The following PPTC7 variants were observed in gnomAD, a reference collection of about 807,000 sequenced individuals.
PPTC7 encodes protein phosphatase targeting COQ7.
A neutral mutation model predicts 30.8 loss-of-function variants in PPTC7; 6 were observed. That is an observed-to-expected ratio of 0.19 (90% CI 0.11 to 0.38). PPTC7 has a LOEUF of 0.38. Among genes scored for constraint, PPTC7 ranks in the 10% least tolerant of loss-of-function variants. The pLI is 1.00. For missense variants in PPTC7, 218 were observed against 404.8 expected (o/e 0.54, Z 3.96); for synonymous variants, 163 against 168.1 (o/e 0.97, Z 0.23).
At chr12:110,538,895 C>T (rs1311013354) in intron 4 of PPTC7, among the ~76,000 whole-genome samples, 1 of 152,218 alleles carries the variant, frequency 6.6e-6, no homozygotes, top group Non-Finnish European at 1.5e-5. Context: ...CTTCTACTCT[C>T]TATTCCCTTA....
At chr12:110,549,595 C>T (rs543132034) in intron 2 of PPTC7, among the ~76,000 whole-genome samples, 1 of 151,900 alleles carries the variant, frequency 6.6e-6, no homozygotes, top group South Asian at 2.1e-4. Flanking sequence ...AAAAAGTAAT[C>T]ACAATATTCA....
At chr12:110,577,136 C>T (rs1418629609) in intron 1 of PPTC7, among the ~76,000 whole-genome samples, 1 of 133,972 alleles carries the variant, frequency 7.5e-6, no homozygotes, top group Non-Finnish European at 1.5e-5. Flanking sequence ...CACTGCTCTC[C>T]AGCCTGGGCA....
chr12:110,540,861 C>T (rs1174474847), intron 3 of PPTC7, among the ~76,000 whole-genome samples: 5 of 151,510 alleles, frequency 3.3e-5, no homozygotes, highest in South Asian at 4.2e-4. Context: ...CTGCGAGCTC[C>T]GCTTCCTGGG....
chr12:110,550,473 G>A (rs557310552), intron 2 of PPTC7, among the ~76,000 whole-genome samples: 6 of 151,728 alleles, frequency 4.0e-5, no homozygotes, highest in Admixed American at 6.6e-5. Context: ...CTCATGATCC[G>A]CCCACCTCGG....
At chr12:110,573,822 A>C (rs993484349) in intron 1 of PPTC7, among the ~76,000 whole-genome samples, 1 of 152,072 alleles carries the variant, frequency 6.6e-6, no homozygotes, top group Non-Finnish European at 1.5e-5. Context: ...TCTCTACTAA[A>C]AATACAAAAT....
chr12:110,537,230 T>C (rs1453621651), intron 5 of PPTC7, 135 bp from the exon 6 acceptor site: 6 of 502,216 alleles, frequency 1.2e-5, no homozygotes, highest in South Asian at 3.9e-5. Context: ...CCTAGTAGAA[T>C]AAAGAAAAAA....
At chr12:110,565,035 C>T (rs146814076) in intron 1 of PPTC7, among the ~76,000 whole-genome samples, 4 of 150,240 alleles carry the variant, frequency 2.7e-5, no homozygotes, top group African/African-American at 4.9e-5. Context: ...TCACCATGCC[C>T]GGTTCATTTT....
chr12:110,558,324 A>C (rs998483212), intron 1 of PPTC7, among the ~76,000 whole-genome samples: 3 of 152,204 alleles, frequency 2.0e-5, no homozygotes, highest in African/African-American at 7.2e-5. Flanking sequence ...AGAATGATAT[A>C]ATCTCTATGG....
rs60295908 is a variant in PPTC7 at position 110,542,152 on chromosome 12, G to GA, written c.603-2208dup. Among the ~76,000 whole-genome samples, 238 of 134,042 alleles carry GA rather than the reference G, an allele frequency of 1.8e-3. 1 individual carries two copies. Among genetic ancestry groups the GA allele is most frequent in the Admixed American group, 2.5e-3 (33 of 13,450 alleles). The allele number at this position is 134,042 out of a possible 152,430, so 87.9% of individuals were successfully genotyped here. A position where few individuals can be genotyped will look rare whatever the true frequency, so the allele number is the denominator to read the frequency against. On this transcript the variant is annotated intron_variant, in intron 3 of 5. Coordinates refer to ENST00000354300, the MANE Select transcript of PPTC7 (RefSeq NM_139283.2). ...GCAACAGAGCAAGACTCCATCTCAA[G>GA]AAAAAAAAAAAATAGAAGAAATATC...
chr12:110,575,898 G>A (rs2064585132), intron 1 of PPTC7, among the ~76,000 whole-genome samples: 1 of 152,026 alleles, frequency 6.6e-6, no homozygotes, highest in Non-Finnish European at 1.5e-5. Flanking sequence ...AAAAATAAAG[G>A]TACCTTAATA....
intron 1 of PPTC7, among the ~76,000 whole-genome samples, chr12:110,569,186 A>G (rs1421751492): frequency 6.6e-6 from 1 of 152,028 alleles, no homozygotes; most frequent in Non-Finnish European, 1.5e-5. Flanking sequence ...TACAAAAATT[A>G]GCCGGGCATG....
intron 1 of PPTC7, among the ~76,000 whole-genome samples, chr12:110,573,905 C>T (rs1470690032): frequency 2.0e-5 from 3 of 151,828 alleles, no homozygotes; most frequent in Non-Finnish European, 2.9e-5. Flanking sequence ...CGCTTGAACC[C>T]GGGAGGCGGA....
rs569693139 is a variant in PPTC7 at position 110,581,491 on chromosome 12, C to A, written c.223+1318G>T. ...ATGTATCAGGGAAGACAGCCACTGA[C>A]AGCTGACTTCGGGGTGGATTTGTAC... On this transcript the variant is annotated intron_variant, in intron 1 of 5. Transcript: ENST00000354300. Among the ~76,000 whole-genome samples the A allele has an allele frequency of 1.2e-4, 19 of 152,192 alleles. No homozygotes were observed. The East Asian group carries it at 3.5e-3, about 28-fold the overall frequency.
chr12:110,537,219 C>A (rs2064225063), intron 5 of PPTC7, 124 bp from the exon 6 acceptor site: 1 of 579,258 alleles, frequency 1.7e-6, no homozygotes, highest in Non-Finnish European at 3.0e-6. Flanking sequence ...TGTCAGTATA[C>A]CCTAGTAGAA....
chr12:110,564,876 A>G (rs2064469486), intron 1 of PPTC7, among the ~76,000 whole-genome samples: 1 of 148,972 alleles, frequency 6.7e-6, no homozygotes, highest in Non-Finnish European at 1.5e-5. Context: ...GTATATATAC[A>G]TTGTTTTTTT....
intron 2 of PPTC7, among the ~76,000 whole-genome samples, chr12:110,546,963 G>A (rs1038905566): frequency 2.6e-5 from 4 of 152,226 alleles, no homozygotes; most frequent in African/African-American, 9.6e-5. Flanking sequence ...TTGGCAAAGT[G>A]TAGGGAACAT....
chr12:110,571,931 C>A (rs1235870604), intron 1 of PPTC7, among the ~76,000 whole-genome samples: 1 of 152,168 alleles, frequency 6.6e-6, no homozygotes, highest in Non-Finnish European at 1.5e-5. Context: ...AATTAGTGGT[C>A]AACCTAGAGG....
intron 1 of PPTC7, among the ~76,000 whole-genome samples, chr12:110,573,069 G>A (rs989413686): frequency 1.3e-5 from 2 of 152,042 alleles, no homozygotes; most frequent in Admixed American, 1.3e-4. Context: ...CAGTAGAGAC[G>A]GGGTTTCACC....
chr12:110,560,468 C>T (rs2064430184), intron 1 of PPTC7, among the ~76,000 whole-genome samples: 1 of 152,082 alleles, frequency 6.6e-6, no homozygotes, highest in Non-Finnish European at 1.5e-5. Flanking sequence ...CCTATCTTCC[C>T]AATTACACAG....
Sources: gnomAD v4.1 joint callset for allele counts (sites outside exome capture counted in the v4.1 genomes callset) on GRCh38, gnomAD v4.1.1 for gene constraint, MANE v1.5 for transcripts, NCBI Gene and HGNC (gene_info 2026-07-23, HGNC 2026-07-21) for gene names.